The following KIF17 variants were observed in gnomAD, a reference collection of about 807,000 sequenced individuals.
The protein encoded by KIF17 is kinesin family member 17, also known as kinesin-like protein KIF17.
A neutral mutation model predicts 96.8 loss-of-function variants in KIF17; 80 were observed. The observed-to-expected ratio is 0.83, with a 90% confidence interval of 0.69 to 1.00. KIF17 has a LOEUF of 1.00. KIF17 is among the 50% of genes least tolerant of loss of function. KIF17 has a pLI of 0.00. For missense variants in KIF17, 1,280 were observed against 1,372.9 expected (o/e 0.93, Z 1.07); for synonymous variants, 567 against 587.5 (o/e 0.97, Z 0.51).
Position 20,664,672 on chromosome 1 carries a change from CGGGGCT to C in KIF17, c.2993_2998del (p.Gln998_Pro999del). Reference sequence around the variant, plus strand: ...GTCGAGGGACTCGAGGCGGAAGGGCCGGGGCTGGGGCATTTCAGGGGCCTGGGTGGG... The same window carrying C: ...GTCGAGGGACTCGAGGCGGAAGGGCCGGGGCATTTCAGGGGCCTGGGTGGG... On this transcript the variant is annotated inframe_deletion, in exon 15 of 15. Transcript: ENST00000400463. 4 of 326,288 alleles carry C rather than the reference CGGGGCT, an allele frequency of 1.2e-5. No individual in the cohort carries two copies. The highest frequency in any genetic ancestry group is 2.3e-5 in the Non-Finnish European group (4 of 176,998). The allele number at this position is 326,288 out of a possible 1,614,324, so 20.2% of individuals were successfully genotyped here.
Position 20,717,828 on chromosome 1 carries a change from C to G in KIF17, c.-122G>C. ...GGGGGGCGGGGCCTTGAGGCAGGGG[C>G]GGGGCCGCGGCGGGGGGCGGGGACC... is the stretch of plus-strand genomic sequence containing the variant. On this transcript the variant is annotated 5_prime_UTR_variant, in exon 1 of 15. Transcript: ENST00000400463. 1 of 1,004,936 alleles carries G rather than the reference C, an allele frequency of 1.0e-6. No individual in the cohort carries two copies. The highest frequency in any genetic ancestry group is 4.7e-5 in the South Asian group (1 of 21,148). The allele number at this position is 1,004,936 out of a possible 1,614,324, so 62.3% of individuals were successfully genotyped here.
At chr1:20,693,810 T>C (rs1338396489) in intron 6 of KIF17, 1 of 151,856 alleles carries the variant, frequency 6.6e-6, no homozygotes, top group Non-Finnish European at 1.5e-5. Flanking sequence ...AGGGTGTGAA[T>C]GGGTGTGAAT....
At chr1:20,688,073 GTC>G in intron 7 of KIF17, 129 bp from the exon 8 acceptor site, 1 of 780,322 alleles carries the variant, frequency 1.3e-6, no homozygotes, top group Non-Finnish European at 2.1e-6. Context: ...TTGAGACAGA[GTC>G]TTGCTCTGTC....
intron 12 of KIF17, among the ~76,000 whole-genome samples, chr1:20,671,506 T>TC (rs1184523281): frequency 7.7e-6 from 1 of 130,086 alleles, no homozygotes; most frequent in African/African-American, 2.8e-5. Flanking sequence ...AATTTTTCTA[T>TC]TTTTTTTTTT....
At position 20,698,436 on chromosome 1, in the gene KIF17, C is replaced by G; in HGVS notation, c.1176G>C (p.Leu392=). Residue 392 remains leucine (L), a synonymous_variant, in exon 6 of 15, where the codon CTG becomes CTC. Transcript: ENST00000400463. ...PPDPVQVEEK[L]LPQPVIQHDV... ...CATGCTGGATCACAGGTTGGGGCAA[C>G]AGCTTCTCCTCCACCTGCACAGGGT... is the stretch of plus-strand genomic sequence containing the variant. 1.2e-6 allele frequency: 2 copies of G among 1,613,880 alleles called. No homozygotes were observed. The highest frequency in any genetic ancestry group is 8.5e-7 in the Non-Finnish European group (1 of 1,180,010).
rs1357623265 is a variant in KIF17 at position 20,675,073 on chromosome 1, C to T, written c.2464-2877G>A. Among the ~76,000 whole-genome samples the T allele has an allele frequency of 3.3e-5, 5 of 151,274 alleles. No individual in the cohort carries two copies. In the South Asian group the frequency reaches 6.3e-4, roughly 19 times the overall value. On this transcript the variant is annotated intron_variant, in intron 11 of 14. Transcript: ENST00000400463. The stretch of plus-strand genomic sequence containing the variant: ...GGCTGAGACAGGAGAATTGCTTGAA[C>T]CTGGGAGGCAGAGGTTGCAGTGAGC...
chr1:20,685,899 G>A lies in KIF17; in HGVS notation c.2019+147C>T. On this transcript the variant is annotated intron_variant, in intron 9 of 14. Transcript: ENST00000400463. This position sits in a 1 kb window ranked among gnomAD's most constrained non-coding sequence, Gnocchi z 4.1. ...TCCCACTGCACACTGCCTGGCCACG[G>A]GCCACAAGCCCGGGGAAGGCTGGAG... is the stretch of plus-strand genomic sequence containing the variant. 1.4e-6 allele frequency: 1 copy of A among 722,742 alleles called. No individual in the cohort carries two copies. The highest frequency in any genetic ancestry group is 2.4e-6 in the Non-Finnish European group (1 of 410,744). 44.8% of individuals were successfully genotyped at this position (722,742 alleles called of 1,614,324 possible). A position where few individuals can be genotyped will look rare whatever the true frequency, so the allele number is the denominator to read the frequency against.
downstream of KIF17, among the ~76,000 whole-genome samples, chr1:20,662,296 C>T (rs576942241): frequency 6.6e-6 from 1 of 152,276 alleles, no homozygotes; most frequent in African/African-American, 2.4e-5. Flanking sequence ...TGCCTTTGTC[C>T]ACCAGGGGTT....
At chr1:20,682,596 G>C in intron 11 of KIF17, 57 bp downstream of exon 11, 1 of 1,471,686 alleles carries the variant, frequency 6.8e-7, no homozygotes, top group Admixed American at 1.7e-5. Flanking sequence ...TGCCTGGATC[G>C]GGGGGTCTCA....
intron 5 of KIF17, among the ~76,000 whole-genome samples, chr1:20,703,975 A>G (rs1411915964): frequency 6.6e-6 from 1 of 152,046 alleles, no homozygotes; most frequent in Admixed American, 6.5e-5. Context: ...CCTTCAGGCC[A>G]ATGCTCCAAG....
chr1:20,716,386 T>C (rs184645392), intron 1 of KIF17, among the ~76,000 whole-genome samples: 1 of 152,222 alleles, frequency 6.6e-6, no homozygotes, highest in African/African-American at 2.4e-5. Flanking sequence ...CTGCCTGCAA[T>C]GCAGGGAGCT....
intron 14 of KIF17, among the ~76,000 whole-genome samples, chr1:20,665,394 ATTT>A (rs33986427): frequency 2.5e-5 from 2 of 80,896 alleles, no homozygotes; most frequent in Non-Finnish European, 4.6e-5. Context: ...TACCCAGCTA[ATTT>A]TTTTTTTTTT....
intron 5 of KIF17, 45 bp from the exon 6 acceptor site, chr1:20,698,533 G>A (rs1194545343): frequency 7.8e-7 from 1 of 1,287,534 alleles, no homozygotes; most frequent in Middle Eastern, 1.8e-4. Context: ...GGGGCACATT[G>A]TGTGCAGGAA....
At chr1:20,713,593 C>A in intron 2 of KIF17, 38 bp from the exon 3 acceptor site, 1 of 1,495,874 alleles carries the variant, frequency 6.7e-7, no homozygotes, top group Non-Finnish European at 9.2e-7. Context: ...GACCTCAGAG[C>A]TCGAAGTCCA....
At chr1:20,712,026 G>A (rs886544139) in intron 3 of KIF17, among the ~76,000 whole-genome samples, 2 of 152,126 alleles carry the variant, frequency 1.3e-5, no homozygotes, top group Admixed American at 1.3e-4. Flanking sequence ...TTCAGCAAGC[G>A]CATCTGTCAC....
Position 20,677,592 on chromosome 1 carries a change from G to A in KIF17, c.2463+5061C>T, listed in dbSNP as rs142308388. 2.8e-3 allele frequency among the ~76,000 whole-genome samples: 424 copies of A among 152,316 alleles called. 2 individuals carry two copies. Among genetic ancestry groups the A allele is most frequent in the Middle Eastern group, 0.02 (6 of 294 alleles). On this transcript the variant is annotated intron_variant, in intron 11 of 14. Transcript: ENST00000400463. ...GAGGAGGCCAGGCGTAGTGGCTCAC[G>A]TCTGTAATCCCAGCACTTTGAGAGG...
chr1:20,664,972 G>A (rs924849746), intron 14 of KIF17, among the ~76,000 whole-genome samples: 1 of 152,130 alleles, frequency 6.6e-6, no homozygotes. Flanking sequence ...ATCCAAAGAG[G>A]CTGGGCTGGG....
chr1:20,672,308 C>A lies in KIF17; in HGVS notation c.2464-112G>T. The stretch of plus-strand genomic sequence containing the variant: ...AGCCACGCATCGTCTGTTCATTGGC[C>A]TGATCAGCCATCCATTCTCATCCCC... On this transcript the variant is annotated intron_variant, in intron 11 of 14. Coordinates refer to ENST00000400463, the MANE Select transcript of KIF17 (RefSeq NM_001122819.3). The surrounding 1 kb of genome is among the most constrained non-coding windows in gnomAD (Gnocchi z 4.3). 7.3e-7 allele frequency: 1 copy of A among 1,364,706 alleles called. No individual in the cohort carries two copies. 84.5% of individuals were successfully genotyped at this position (1,364,706 alleles called of 1,614,324 possible).
At chr1:20,666,379 T>C in intron 13 of KIF17, 48 bp from the exon 14 acceptor site, 1 of 1,427,138 alleles carries the variant, frequency 7.0e-7, no homozygotes, top group Middle Eastern at 1.9e-4. Context: ...TTTGTGCCCC[T>C]GGCACAGGGC....
Sources: allele counts gnomAD v4.1 joint callset (sites outside exome capture counted in the v4.1 genomes callset), GRCh38; gene constraint gnomAD v4.1.1; non-coding constraint Gnocchi (gnomAD v3.1); transcripts MANE v1.5; gene names NCBI Gene and HGNC (gene_info 2026-07-23, HGNC 2026-07-21).